Variants in PHKB observed in about 807,000 individuals in gnomAD.
PHKB encodes the protein phosphorylase kinase regulatory subunit beta, also known as phosphorylase b kinase regulatory subunit beta.
Under a neutral mutation model 152.1 loss-of-function variants are expected in PHKB, and 122 were observed. That is an observed-to-expected ratio of 0.80 (90% CI 0.69 to 0.93). The LOEUF (loss-of-function observed/expected upper bound fraction) is 0.93. Among genes scored for constraint, PHKB ranks in the 40% least tolerant of loss-of-function variants. The pLI, the probability that PHKB is intolerant of heterozygous loss-of-function variation, is 0.00. For synonymous variants in PHKB, 436 were observed against 464.9 expected (o/e 0.94, Z 0.80); for missense variants, 1,304 against 1,328.4 (o/e 0.98, Z 0.29).
chr16:47,566,168 C>A, intron 7 of PHKB: 1 of 668,062 alleles, frequency 1.5e-6, no homozygotes. Flanking sequence ...AATCCATATC[C>A]CTGCATGGGC....
At chr16:47,511,167 GA>G (rs1332522396) in intron 4 of PHKB, among the ~76,000 whole-genome samples, 3 of 152,174 alleles carry the variant, frequency 2.0e-5, no homozygotes, top group Non-Finnish European at 4.4e-5. Flanking sequence ...AAGGGGAAAT[GA>G]AAGCATGTTA....
intron 25 of PHKB, among the ~76,000 whole-genome samples, 189 bp from the exon 26 acceptor site, chr16:47,669,026 A>G (rs762875371): frequency 6.6e-6 from 1 of 152,168 alleles, no homozygotes; most frequent in Non-Finnish European, 1.5e-5. Context: ...ACTGTGAACC[A>G]TCATGAATTC....
At chr16:47,536,617 C>A (rs184807417) in intron 6 of PHKB, among the ~76,000 whole-genome samples, 16 of 152,330 alleles carry the variant, frequency 1.1e-4, no homozygotes, top group Admixed American at 9.2e-4. Context: ...AGGGCAGAAT[C>A]TGCACATTAA....
chr16:47,537,809 A>G (rs1431483003), intron 6 of PHKB, among the ~76,000 whole-genome samples: 1 of 152,206 alleles, frequency 6.6e-6, no homozygotes, highest in Non-Finnish European at 1.5e-5. Flanking sequence ...GGTTATATGT[A>G]TTCAGGATTA....
At chr16:47,579,933 T>G (rs1449968719) in intron 7 of PHKB, among the ~76,000 whole-genome samples, 1 of 152,148 alleles carries the variant, frequency 6.6e-6, no homozygotes. Flanking sequence ...TGATCTGAAC[T>G]AATGATTTCC....
At chr16:47,490,541 T>C (rs1970131075) in intron 1 of PHKB, among the ~76,000 whole-genome samples, 1 of 152,192 alleles carries the variant, frequency 6.6e-6, no homozygotes, top group South Asian at 2.1e-4. Context: ...GATGATCCTG[T>C]TTACCTCTTT....
At chr16:47,461,310 G>T (rs751399591), upstream of PHKB, 1 of 1,514,490 alleles carries the variant, frequency 6.6e-7, no homozygotes, top group South Asian at 1.2e-5. Context: ...TTGCTGACAG[G>T]CGGCCCCGGG....
intron 6 of PHKB, among the ~76,000 whole-genome samples, chr16:47,518,192 A>C (rs968093753): frequency 6.6e-6 from 1 of 152,102 alleles, no homozygotes; most frequent in Non-Finnish European, 1.5e-5. Context: ...TTCTCTATTT[A>C]CTATAAAATT....
intron 7 of PHKB, among the ~76,000 whole-genome samples, chr16:47,554,805 C>T (rs894681927): frequency 4.6e-5 from 7 of 152,090 alleles, no homozygotes; most frequent in African/African-American, 7.2e-5. Context: ...CTGGGAGAGG[C>T]GACGCCCCAC....
chr16:47,548,344 C>T (rs1033356044), intron 7 of PHKB, among the ~76,000 whole-genome samples: 1 of 152,158 alleles, frequency 6.6e-6, no homozygotes, highest in Non-Finnish European at 1.5e-5. Flanking sequence ...CACGGTGGCT[C>T]ACGCCTGTAA....
intron 20 of PHKB, among the ~76,000 whole-genome samples, chr16:47,652,306 G>T (rs1973251465): frequency 1.3e-5 from 2 of 150,756 alleles, no homozygotes; most frequent in South Asian, 4.2e-4. Flanking sequence ...GGTGTGAGCG[G>T]TCCCATCATC....
intron 16 of PHKB, among the ~76,000 whole-genome samples, chr16:47,648,114 CAATG>C (rs1484869799): frequency 1.3e-5 from 2 of 152,002 alleles, no homozygotes; most frequent in East Asian, 3.9e-4. Context: ...CAGAAAAAAT[CAATG>C]AAGCCATTTT....
chr16:47,579,975 C>A (rs1395001065), intron 7 of PHKB, among the ~76,000 whole-genome samples: 1 of 152,072 alleles, frequency 6.6e-6, no homozygotes, highest in East Asian at 1.9e-4. Context: ...TCATAATATA[C>A]CTTCCTCTAA....
intron 26 of PHKB, among the ~76,000 whole-genome samples, chr16:47,687,827 T>C (rs1276741262): frequency 6.6e-6 from 1 of 152,258 alleles, no homozygotes; most frequent in East Asian, 1.9e-4. Context: ...AGAACTGTCA[T>C]AGAGCTTGAT....
At chr16:47,647,103 A>G (rs1460785477) in intron 16 of PHKB, among the ~76,000 whole-genome samples, 6 of 151,512 alleles carry the variant, frequency 4.0e-5, no homozygotes, top group African/African-American at 9.7e-5. Context: ...GTTTTTATTT[A>G]TTTATTTATG....
chr16:47,645,147 C>T (rs1973092593), intron 16 of PHKB, among the ~76,000 whole-genome samples: 1 of 151,706 alleles, frequency 6.6e-6, no homozygotes. Context: ...CGAAAATTTT[C>T]TCCCATGTTG....
At chr16:47,678,273 G>C (rs1443478873) in intron 26 of PHKB, among the ~76,000 whole-genome samples, 1 of 152,034 alleles carries the variant, frequency 6.6e-6, no homozygotes, top group Admixed American at 6.5e-5. Context: ...ATAATCCTTT[G>C]GGTATATACC....
intron 20 of PHKB, among the ~76,000 whole-genome samples, chr16:47,656,854 A>G (rs1301968794): frequency 6.6e-6 from 1 of 152,128 alleles, no homozygotes; most frequent in Non-Finnish European, 1.5e-5. Context: ...CCCATTACCC[A>G]GGACATCTCT....
chr16:47,628,261 G>A (rs973257650), intron 14 of PHKB, among the ~76,000 whole-genome samples: 11 of 152,314 alleles, frequency 7.2e-5, no homozygotes, highest in East Asian at 3.9e-4. Context: ...GGCCGGGCGC[G>A]GTGGCTCATG....
Sources: gnomAD v4.1 joint callset for allele counts (sites outside exome capture counted in the v4.1 genomes callset) on GRCh38, gnomAD v4.1.1 for gene constraint, MANE v1.5 for transcripts, NCBI Gene and HGNC (gene_info 2026-07-23, HGNC 2026-07-21) for gene names.